The following PKD1 variants were observed in gnomAD, a reference collection of about 807,000 sequenced individuals.
The protein encoded by PKD1 is polycystin 1, transient receptor potential channel interacting.
PKD1 carries 81 observed loss-of-function variants against 361.7 expected under a neutral mutation model. That is an observed-to-expected ratio of 0.22 (90% CI 0.19 to 0.27). The LOEUF (loss-of-function observed/expected upper bound fraction) is 0.27. Among genes scored for constraint, PKD1 ranks in the 10% least tolerant of loss-of-function variants. PKD1 has a pLI of 1.00. For missense variants in PKD1, 6,399 were observed against 6,118.3 expected (o/e 1.05, Z -1.53); for synonymous variants, 3,615 against 2,818.3 (o/e 1.28, Z -8.95).
intron 1 of PKD1, among the ~76,000 whole-genome samples, chr16:2,125,534 G>A (rs930543678): frequency 6.6e-6 from 1 of 152,218 alleles, no homozygotes; most frequent in Non-Finnish European, 1.5e-5. Flanking sequence ...GGGACCCACA[G>A]GCAGGCACAG....
In PKD1 at chr16:2,116,068, C is replaced by T. The variant is rs1293448759; in HGVS notation, c.1773G>A (p.Thr591=). ...GGAGCTCCTGGGTCCCAAATTCGGC[C>T]GTGGTGAGGAAGGCTTCACGGCTCA... ...LRLSREAFLT[T]AEFGTQELRR... is the part of the protein sequence containing the mutation. The change falls in exon 9 of 46, where the codon ACG becomes ACA. Residue 591 remains threonine (T), a synonymous_variant. Coordinates refer to ENST00000262304, the MANE Select transcript of PKD1 (RefSeq NM_001009944.3). 9 of 1,532,460 alleles carry T rather than the reference C, an allele frequency of 5.9e-6. No homozygotes were observed. Among genetic ancestry groups the T allele is most frequent in the East Asian group, 2.4e-5 (1 of 41,946 alleles). The allele number at this position is 1,532,460 out of a possible 1,614,324, so 94.9% of individuals were successfully genotyped here. A position where few individuals can be genotyped will look rare whatever the true frequency, so the allele number is the denominator to read the frequency against.
chr16:2,091,860 C>T lies in PKD1; in HGVS notation c.11458G>A (p.Val3820Met), dbSNP rs749953469. 8 of 1,610,506 alleles carry T rather than the reference C, an allele frequency of 5.0e-6. No homozygotes were observed. The highest frequency in any genetic ancestry group is 1.6e-4 in the Middle Eastern group (1 of 6,084). The change falls in exon 41 of 46, where the codon GTG becomes ATG. Residue 3820 changes from valine to methionine, a missense_variant. Coordinates refer to ENST00000262304, the MANE Select transcript of PKD1 (RefSeq NM_001009944.3). ...TCCAGGCTCAGGCCCAGCTCCTGCACGTAGCCCCCGCTGTCATACACGGCA... is the reference window on the plus strand; with the variant it reads ...TCCAGGCTCAGGCCCAGCTCCTGCATGTAGCCCCCGCTGTCATACACGGCA... ...SCAVYDSGGY[V>M]QELGLSLEES...
chr16:2,113,746 C>A, intron 11 of PKD1: 1 of 361,906 alleles, frequency 2.8e-6, no homozygotes, highest in Non-Finnish European at 5.2e-6. Context: ...CAGGTACCCG[C>A]AAGATGGAGA....
At chr16:2,135,101 C>A (rs1373682552) in intron 1 of PKD1, 6 of 979,250 alleles carry the variant, frequency 6.1e-6, no homozygotes, top group African/African-American at 1.7e-5. Context: ...CCTCCTGGAA[C>A]TCTTCCCTGC....
rs575671150 is a variant in PKD1, at chr16:2,092,251, C to T, written c.11270-63G>A. 7.2e-6 allele frequency: 11 copies of T among 1,522,504 alleles called. No individual in the cohort carries two copies. In the African/African-American group the frequency reaches 1.5e-4, roughly 21 times the overall value. 94.3% of individuals were successfully genotyped at this position (1,522,504 alleles called of 1,614,324 possible). A position where few individuals can be genotyped will look rare whatever the true frequency, so the allele number is the denominator to read the frequency against. On this transcript the variant is annotated intron_variant, in intron 39 of 45. Transcript: ENST00000262304. Reference sequence around the variant, plus strand: ...CATCAAAACCCAACAGGAGTGTTTCCTGCTGGCCAGCTCGCCTGAGCTCTG... The same window carrying T: ...CATCAAAACCCAACAGGAGTGTTTCTTGCTGGCCAGCTCGCCTGAGCTCTG...
rs372642553 is a variant in PKD1 at position 2,111,556 on chromosome 16, G to A, written c.3611C>T (p.Ala1204Val). 137 of 1,583,342 alleles carry A rather than the reference G, an allele frequency of 8.7e-5. No individual in the cohort carries two copies. Among genetic ancestry groups the A allele is most frequent in the South Asian group, 6.8e-5 (6 of 87,926 alleles). The change falls in exon 15 of 46, where the codon GCG (alanine) becomes GTG (valine). Residue 1204 changes from alanine (A) to valine (V), a missense_variant. Physicochemically the swap from Ala to Val is moderately conservative, Grantham distance 64. Transcript: ENST00000262304. Reference protein sequence around the residue: ...NNTVSGAAAQADVRVFEELRG... With the variant: ...NNTVSGAAAQVDVRVFEELRG... ...GAGCTCCTCAAAGACGCGCACATCCGCCTGGGCCGCCGCACCGCTCACCGT... is the reference window on the plus strand; with the variant it reads ...GAGCTCCTCAAAGACGCGCACATCCACCTGGGCCGCCGCACCGCTCACCGT...
Position 2,089,521 on chromosome 16 carries a change from G to A in PKD1, c.*206C>T. The A allele has an allele frequency of 1.6e-6, 1 of 616,770 alleles. No individual in the cohort carries two copies. Among genetic ancestry groups the A allele is most frequent in the Non-Finnish European group, 2.9e-6 (1 of 348,548 alleles). 38.2% of individuals were successfully genotyped at this position (616,770 alleles called of 1,614,324 possible). A position where few individuals can be genotyped will look rare whatever the true frequency, so the allele number is the denominator to read the frequency against. On this transcript the variant is annotated 3_prime_UTR_variant, in exon 46 of 46. Transcript: ENST00000262304. ...CCAATACTGCTGTGTCCTTCCCAAG[G>A]GAGCTGGGGAGGGGACCCTGGGTCC... is the stretch of plus-strand genomic sequence containing the variant.
chr16:2,111,442 G>T lies in PKD1; in HGVS notation c.3725C>A (p.Thr1242Lys). 6.2e-7 allele frequency: 1 copy of T among 1,611,906 alleles called. No homozygotes were observed. The highest frequency in any genetic ancestry group is 1.1e-5 in the South Asian group (1 of 91,054). Reference protein sequence around the residue: ...SAAVQTGDNITWTFDMGDGTV... With the variant: ...SAAVQTGDNIKWTFDMGDGTV... ...GCCGTCCCCCATGTCGAAGGTCCAC[G>T]TGATGTTGTCGCCCGTCTGCACCGC... is the stretch of plus-strand genomic sequence containing the variant. The change falls in exon 15 of 46, where the codon ACG becomes AAG. Residue 1242 changes from threonine (T) to lysine (K), a missense_variant. Coordinates refer to ENST00000262304, the MANE Select transcript of PKD1 (RefSeq NM_001009944.3).
At position 2,092,142 on chromosome 16, in the gene PKD1, G is replaced by C. The variant is rs201085734; in HGVS notation, c.11316C>G (p.Ala3772=). 6.8e-4 allele frequency: 1,091 copies of C among 1,612,590 alleles called. 15 individuals carry two copies. In the South Asian group the frequency reaches 0.011, roughly 16 times the overall value. Residue 3772 remains alanine, a synonymous_variant, in exon 40 of 46, where the codon GCC becomes GCG. Transcript: ENST00000262304. ...AATCGCTGGTGCTGAAGCCTCCTGC[G>C]GCCGAGCACGTGTGGACCCTGGGGC... is the stretch of plus-strand genomic sequence containing the variant. ...PPGPRVHTCS[A]AGGFSTSDYD... is the part of the protein sequence containing the mutation.
intron 1 of PKD1, chr16:2,120,237 TAATA>T (rs2092699324): frequency 4.7e-6 from 1 of 214,780 alleles, no homozygotes; most frequent in South Asian, 1.6e-4. Flanking sequence ...CATACATAAT[TAATA>T]AATAAAACAT....
intron 22 of PKD1, 141 bp downstream of exon 22, chr16:2,104,356 AG>A (rs1398444973): frequency 9.4e-5 from 43 of 459,230 alleles, no homozygotes; most frequent in Non-Finnish European, 1.2e-4. Flanking sequence ...GAATTGGGGG[AG>A]GGGGATGAGG....
At chr16:2,125,164 T>TA (rs1442688091) in intron 1 of PKD1, among the ~76,000 whole-genome samples, 1 of 152,136 alleles carries the variant, frequency 6.6e-6, no homozygotes, top group Non-Finnish European at 1.5e-5. Flanking sequence ...CCGGAAATGA[T>TA]CCTGTTTAAA....
chr16:2,103,732 C>G lies in PKD1; in HGVS notation c.8325G>C (p.Thr2775=). 16 of 1,610,028 alleles carry G rather than the reference C, an allele frequency of 9.9e-6. No individual in the cohort carries two copies. Among genetic ancestry groups the G allele is most frequent in the Non-Finnish European group, 1.4e-5 (16 of 1,179,596 alleles). The change falls in exon 23 of 46, where the codon ACG becomes ACC. Residue 2775 remains threonine, a synonymous_variant. Coordinates refer to ENST00000262304, the MANE Select transcript of PKD1 (RefSeq NM_001009944.3). ...RSRVLNEEPL[T]LAGEEIVAQG... is the part of the protein sequence containing the mutation. ...GGGCCACGATCTCCTCGCCCGCCAG[C>G]GTCAGGGGCTCCTCGTTGAGCACGC...
rs766547394 is a variant in PKD1 at position 2,104,494 on chromosome 16, G to A, written c.8161+4C>T. On this transcript the variant is annotated splice_donor_region_variant and intron_variant, in intron 22 of 45. Coordinates refer to ENST00000262304, the MANE Select transcript of PKD1 (RefSeq NM_001009944.3). Reference sequence around the variant, plus strand: ...CGGGTGGCATGGGGCACGGGCCGCGGCACCTGTGATGTTGAGGATGCTGTC... The same window carrying A: ...CGGGTGGCATGGGGCACGGGCCGCGACACCTGTGATGTTGAGGATGCTGTC... The A allele has an allele frequency of 5.9e-6, 9 of 1,517,330 alleles. No individual in the cohort carries two copies. The highest frequency in any genetic ancestry group is 2.3e-4 in the Middle Eastern group (1 of 4,348). The allele number at this position is 1,517,330 out of a possible 1,614,324, so 94.0% of individuals were successfully genotyped here. A position where few individuals can be genotyped will look rare whatever the true frequency, so the allele number is the denominator to read the frequency against.
rs1242117311 is a variant in PKD1, at chr16:2,090,681, G to A, written c.12131C>T (p.Ala4044Val). The A allele has an allele frequency of 1.2e-6, 2 of 1,612,118 alleles. No homozygotes were observed. Among genetic ancestry groups the A allele is most frequent in the East Asian group, 2.2e-5 (1 of 44,874 alleles). ...GGCCGCGCAGTCACCTACCAGGATG[G>A]CCAGCTGGGCGTAGGCTACCCCGAG... ...VVLGVAYAQL[A>V]ILLVSSCVDS... The change falls in exon 44 of 46, where the codon GCC becomes GTC. Residue 4044 changes from alanine to valine, a missense_variant. By Grantham distance (64) the Ala-to-Val change is moderately conservative. Transcript: ENST00000262304.
chr16:2,120,489 G>T (rs957213885), intron 1 of PKD1, among the ~76,000 whole-genome samples: 4 of 152,136 alleles, frequency 2.6e-5, no homozygotes, highest in South Asian at 2.1e-4. Flanking sequence ...CTTTGGGAAG[G>T]CCAGGAGTTT....
At position 2,103,874 on chromosome 16, in the gene PKD1, C is replaced by A. The variant is rs773274334; in HGVS notation, c.8183G>T (p.Ser2728Ile). 1.2e-5 allele frequency: 19 copies of A among 1,553,782 alleles called. No homozygotes were observed. Among genetic ancestry groups the A allele is most frequent in the African/African-American group, 1.0e-4 (7 of 69,350 alleles). Residue 2728 changes from serine (S) to isoleucine (I), a missense_variant, in exon 23 of 46, where the codon AGC (serine) becomes ATC (isoleucine). Physicochemically the swap from Ser to Ile is moderately radical, Grantham distance 142. Transcript: ENST00000262304. ...GGGCTGTGGTGCCCGCACGTCCGAG[C>A]TGGCCAGGTGGATGAGGTCTCCTGC... Reference protein sequence around the residue: ...NITGDLIHLASSDVRAPQPSE... With the variant: ...NITGDLIHLAISDVRAPQPSE...
At chr16:2,107,790 C>A (rs550656986) in intron 16 of PKD1, 93 bp downstream of exon 16, 22 of 1,202,382 alleles carry the variant, frequency 1.8e-5, no homozygotes, top group South Asian at 9.1e-5. Context: ...GGAGAGCGTG[C>A]GGCCTCCACC....
At chr16:2,123,926 C>T (rs147451716) in intron 1 of PKD1, among the ~76,000 whole-genome samples, 192 of 152,292 alleles carry the variant, frequency 1.3e-3, no homozygotes, top group African/African-American at 3.2e-3. Context: ...GGGGGCAGGA[C>T]GGTGCCCCAG....
Sources: gnomAD v4.1 joint callset for allele counts (sites outside exome capture counted in the v4.1 genomes callset) on GRCh38, gnomAD v4.1.1 for gene constraint, MANE v1.5 for transcripts, NCBI Gene and HGNC (gene_info 2026-07-23, HGNC 2026-07-21) for gene names.